Variants in TRIP11 observed in about 807,000 individuals in gnomAD.
TRIP11 encodes the protein thyroid receptor-interacting protein 11.
A neutral mutation model predicts 223.1 loss-of-function variants in TRIP11; 148 were observed. That is an observed-to-expected ratio of 0.66 (90% CI 0.58 to 0.76). TRIP11 has a LOEUF of 0.76. TRIP11 is among the 30% of genes least tolerant of loss of function. The pLI is 0.00. For missense variants in TRIP11, 2,043 were observed against 2,222.0 expected, an observed-to-expected ratio of 0.92 and a Z score of 1.62; for synonymous variants, 762 against 772.6, an observed-to-expected ratio of 0.99 and a Z score of 0.23.
At chr14:92,024,210 T>C (rs2057150040) in intron 3 of TRIP11, among the ~76,000 whole-genome samples, 1 of 152,042 alleles carries the variant, frequency 6.6e-6, no homozygotes, top group African/African-American at 2.4e-5. Flanking sequence ...AAACCCCATC[T>C]CTAATAAAAA....
intron 20 of TRIP11, among the ~76,000 whole-genome samples, chr14:91,970,810 A>G (rs554861725): frequency 7.2e-5 from 11 of 152,246 alleles, no homozygotes; most frequent in Non-Finnish European, 1.6e-4. Flanking sequence ...TTCATTTACC[A>G]TAACAACAGC....
At chr14:91,990,227 C>T (rs2056655222) in intron 15 of TRIP11, among the ~76,000 whole-genome samples, 1 of 152,030 alleles carries the variant, frequency 6.6e-6, no homozygotes, top group African/African-American at 2.4e-5. Context: ...CAAAAATCCA[C>T]AAAACTAAAT....
chr14:92,026,540 GC>G (rs1228706224), intron 2 of TRIP11: 1 of 1,236,950 alleles, frequency 8.1e-7, no homozygotes, highest in Non-Finnish European at 1.2e-6. Context: ...TTAATCCCCT[GC>G]ATCGGATCAC....
At position 92,004,874 on chromosome 14, in the gene TRIP11, A is replaced by T. The variant is rs1348537271; in HGVS notation, c.3102T>A (p.Leu1034=). ...GIKERELEIK[L]LNEKNISLTK... Reference sequence around the variant, plus strand: ...TTAAAGATATATTCTTTTCATTTAGAAGTTTAATCTCCAGTTCTCGCTCTT... The same window carrying T: ...TTAAAGATATATTCTTTTCATTTAGTAGTTTAATCTCCAGTTCTCGCTCTT... The change falls in exon 11 of 21, where the codon CTT becomes CTA. Residue 1034 remains leucine, a synonymous_variant. Coordinates refer to ENST00000267622, the MANE Select transcript of TRIP11 (RefSeq NM_004239.4). 6.2e-7 allele frequency: 1 copy of T among 1,613,706 alleles called. No homozygotes were observed. The highest frequency in any genetic ancestry group is 1.3e-5 in the African/African-American group (1 of 74,928).
chr14:91,978,226 C>T lies in TRIP11; in HGVS notation c.5261-2037G>A, dbSNP rs1047830182. On this transcript the variant is annotated intron_variant, in intron 16 of 20. Coordinates refer to ENST00000267622, the MANE Select transcript of TRIP11 (RefSeq NM_004239.4). The surrounding 1 kb of genome is among the most constrained non-coding windows in gnomAD (Gnocchi z 4.4). ...GAACTCAGCAAATAAGTTAATCTCT[C>T]GTCACTGTTTTGACTTAACCGTCCC... is the stretch of plus-strand genomic sequence containing the variant. Among the ~76,000 whole-genome samples, 4 of 152,182 alleles carry T rather than the reference C, an allele frequency of 2.6e-5. No individual in the cohort carries two copies. Among genetic ancestry groups the T allele is most frequent in the African/African-American group, 9.7e-5 (4 of 41,440 alleles).
At chr14:91,991,345 G>A (rs1200210634) in intron 15 of TRIP11, among the ~76,000 whole-genome samples, 1 of 152,118 alleles carries the variant, frequency 6.6e-6, no homozygotes, top group East Asian at 1.9e-4. Flanking sequence ...GAACCCATGA[G>A]CTACTAAGTT....
In TRIP11 at chr14:92,004,099, G is replaced by A; in HGVS notation, c.3877C>T (p.His1293Tyr). The A allele has an allele frequency of 1.2e-6, 2 of 1,614,152 alleles. No individual in the cohort carries two copies. The highest frequency in any genetic ancestry group is 1.1e-5 in the South Asian group (1 of 91,084). Reference protein sequence around the residue: ...NFGQELAQVQHSIGQLCNTKD... With the variant: ...NFGQELAQVQYSIGQLCNTKD... ...GTATTGCAAAGCTGCCCAATGCTGT[G>A]CTGAACTTGTGCTAATTCCTGCCCA... Residue 1293 changes from histidine to tyrosine, a missense_variant, in exon 11 of 21, where the codon CAC becomes TAC. Physicochemically the swap from His to Tyr is moderately conservative, Grantham distance 83 (BLOSUM62 2). Transcript: ENST00000267622.
intron 16 of TRIP11, among the ~76,000 whole-genome samples, chr14:91,985,171 C>T (rs1185761182): frequency 6.6e-6 from 1 of 152,104 alleles, no homozygotes; most frequent in Non-Finnish European, 1.5e-5. Context: ...TATGCCCTGT[C>T]TTATGATCAC....
chr14:92,030,181 G>A lies in TRIP11; in HGVS notation c.201+3011C>T, dbSNP rs183494819. Among the ~76,000 whole-genome samples, 1,250 of 143,104 alleles carry A rather than the reference G, an allele frequency of 8.7e-3. 11 individuals are homozygous for A. Among genetic ancestry groups the A allele is most frequent in the Non-Finnish European group, 0.011 (751 of 66,072 alleles). 93.9% of individuals were successfully genotyped at this position (143,104 alleles called of 152,430 possible). A position where few individuals can be genotyped will look rare whatever the true frequency, so the allele number is the denominator to read the frequency against. On this transcript the variant is annotated intron_variant, in intron 2 of 20. Transcript: ENST00000267622. ...CACTGCACTCTGCACTCCAGCCTGG[G>A]CGACAGAGCGAGACTCCGTCTCAAA... is the stretch of plus-strand genomic sequence containing the variant.
At position 91,978,340 on chromosome 14, in the gene TRIP11, T is replaced by C. The variant is rs996248862; in HGVS notation, c.5261-2151A>G. 3.9e-5 allele frequency among the ~76,000 whole-genome samples: 6 copies of C among 152,092 alleles called. No homozygotes were observed. The highest frequency in any genetic ancestry group is 9.7e-5 in the African/African-American group (4 of 41,408). On this transcript the variant is annotated intron_variant, in intron 16 of 20. Transcript: ENST00000267622. This position sits in a 1 kb window ranked among gnomAD's most constrained non-coding sequence, Gnocchi z 4.4. Reference sequence around the variant, plus strand: ...ATTCCTCCCCAAGGCTACAGAAAGATAGCAGAAAAACAGAGGTCAAGCTTA... The same window carrying C: ...ATTCCTCCCCAAGGCTACAGAAAGACAGCAGAAAAACAGAGGTCAAGCTTA...
In TRIP11 at chr14:91,969,289, T is replaced by TAAA; in HGVS notation, c.*381_*383dup. On this transcript the variant is annotated 3_prime_UTR_variant, in exon 21 of 21. Coordinates refer to ENST00000267622, the MANE Select transcript of TRIP11 (RefSeq NM_004239.4). ...TACTAGTATTTTTTTATTCTTCGTT[T>TAAA]AAAAAAAAAAAACACTCTCTTGATA... is the stretch of plus-strand genomic sequence containing the variant. The TAAA allele has an allele frequency of 3.8e-6, 1 of 262,820 alleles. No individual in the cohort carries two copies. Among genetic ancestry groups the TAAA allele is most frequent in the Non-Finnish European group, 7.2e-6 (1 of 138,772 alleles). The allele number at this position is 262,820 out of a possible 1,614,324, so 16.3% of individuals were successfully genotyped here.
chr14:92,005,008 T>C lies in TRIP11; in HGVS notation c.2968A>G (p.Asn990Asp), dbSNP rs1353061141. 1 of 1,614,042 alleles carries C rather than the reference T, an allele frequency of 6.2e-7. No homozygotes were observed. The highest frequency in any genetic ancestry group is 2.2e-5 in the East Asian group (1 of 44,880). ...HEERQDIQTD[N>D]SDIFQETKVQ... is the part of the protein sequence containing the mutation. ...TTTGTTTCTTGAAAAATATCAGAGT[T>C]ATCTGTTTGAATGTCCTGTCTTTCT... is the stretch of plus-strand genomic sequence containing the variant. Residue 990 changes from asparagine (N) to aspartate (D), a missense_variant, in exon 11 of 21, where the codon AAC (asparagine) becomes GAC (aspartate). By Grantham distance (23) the Asn-to-Asp change is conservative. Coordinates refer to ENST00000267622, the MANE Select transcript of TRIP11 (RefSeq NM_004239.4).
At position 92,004,455 on chromosome 14, in the gene TRIP11, T is replaced by C; in HGVS notation, c.3521A>G (p.Asp1174Gly). Reference sequence around the variant, plus strand: ...AGTCTGACATTTCTGACTTAGTGCATCTATTTCGATGTCTTTTTCTCGAAT... The same window carrying C: ...AGTCTGACATTTCTGACTTAGTGCACCTATTTCGATGTCTTTTTCTCGAAT... ...RIIREKDIEI[D>G]ALSQKCQTLL... The change falls in exon 11 of 21, where the codon GAT (aspartate) becomes GGT (glycine). Residue 1174 changes from aspartate to glycine, a missense_variant. Physicochemically the swap from Asp to Gly is moderately conservative, Grantham distance 94. Coordinates refer to ENST00000267622, the MANE Select transcript of TRIP11 (RefSeq NM_004239.4). 2 of 1,613,810 alleles carry C rather than the reference T, an allele frequency of 1.2e-6. No homozygotes were observed. The highest frequency in any genetic ancestry group is 1.7e-6 in the Non-Finnish European group (2 of 1,180,024).
At chr14:91,976,023 T>C in intron 17 of TRIP11, 85 bp downstream of exon 17, 1 of 1,314,994 alleles carries the variant, frequency 7.6e-7, no homozygotes, top group South Asian at 1.3e-5. Context: ...TTTAATCACA[T>C]ATAAACATCT....
At position 92,028,428 on chromosome 14, in the gene TRIP11, C is replaced by T. The variant is rs77015739; in HGVS notation, c.202-3008G>A. Among the ~76,000 whole-genome samples the T allele has an allele frequency of 6.3e-3, 959 of 152,134 alleles. 14 individuals are homozygous for T. The highest frequency in any genetic ancestry group is 0.021 in the African/African-American group (887 of 41,478). ...ATTAGCTGGGCATGTTGGCTTGCACCCATAGTCCCAGCTACTCAGGAGGCT... is the reference window on the plus strand; with the variant it reads ...ATTAGCTGGGCATGTTGGCTTGCACTCATAGTCCCAGCTACTCAGGAGGCT... On this transcript the variant is annotated intron_variant, in intron 2 of 20. Transcript: ENST00000267622.
At chr14:92,035,585 A>AT (rs550426136) in intron 1 of TRIP11, among the ~76,000 whole-genome samples, 25,392 of 137,766 alleles carry the variant, frequency 0.18, 2,559 homozygotes, top group East Asian at 0.31. Context: ...TTATTTATTT[A>AT]TTTTTTTTTT....
chr14:92,024,646 G>A (rs2057158996), intron 3 of TRIP11, among the ~76,000 whole-genome samples: 1 of 152,130 alleles, frequency 6.6e-6, no homozygotes, highest in African/African-American at 2.4e-5. Context: ...TGGTAGAAAT[G>A]AACACTTAGT....
intron 15 of TRIP11, among the ~76,000 whole-genome samples, chr14:91,993,106 A>C (rs1324113157): frequency 1.3e-5 from 2 of 151,844 alleles, no homozygotes; most frequent in Non-Finnish European, 1.5e-5. Flanking sequence ...AAAAAGATTT[A>C]ATGGGATAAT....
intron 2 of TRIP11, among the ~76,000 whole-genome samples, chr14:92,028,801 A>C (rs908153958): frequency 4.6e-5 from 7 of 152,216 alleles, no homozygotes; most frequent in Non-Finnish European, 1.0e-4. Context: ...GTCAGACTAC[A>C]TTTCTGCTAT....
Sources: gnomAD v4.1 joint callset for allele counts (sites outside exome capture counted in the v4.1 genomes callset) on GRCh38, gnomAD v4.1.1 for gene constraint, Gnocchi (gnomAD v3.1) non-coding constraint, MANE v1.5 for transcripts, NCBI Gene and HGNC (gene_info 2026-07-23, HGNC 2026-07-21) for gene names.